Variants in TENM3 observed in about 807,000 individuals in gnomAD.
The protein encoded by TENM3 is teneurin transmembrane protein 3.
Under a neutral mutation model 255.1 loss-of-function variants are expected in TENM3, and 63 were observed. The observed-to-expected ratio is 0.25, with a 90% CI of 0.20 to 0.30. The LOEUF is 0.30. Among genes scored for constraint, TENM3 ranks in the 10% least tolerant of loss-of-function variants. The probability of loss-of-function intolerance (pLI) is 1.00; values close to 1 mark genes in which losing one functional copy is unlikely to be tolerated. For missense variants in TENM3, 2,929 were observed against 3,461.1 expected (o/e 0.85, Z 3.86); for synonymous variants, 1,306 against 1,322.3 (o/e 0.99, Z 0.27).
chr4:181,908,754 G>C, the TENM3 span, among the ~76,000 whole-genome samples: 1 of 152,086 alleles, frequency 6.6e-6, no homozygotes, highest in Non-Finnish European at 1.5e-5. Flanking sequence ...TTTTCGTTTG[G>C]AGTAAAAGAT....
chr4:182,003,065 G>A, the TENM3 span, among the ~76,000 whole-genome samples: 1 of 152,018 alleles, frequency 6.6e-6, no homozygotes, highest in Admixed American at 6.6e-5. Context: ...CTAGTGACTT[G>A]AATAATGGGT....
At chr4:182,565,902 AATT>A (rs1177987126) in intron 3 of TENM3, among the ~76,000 whole-genome samples, 1 of 152,218 alleles carries the variant, frequency 6.6e-6, no homozygotes, top group African/African-American at 2.4e-5. Context: ...AGGGCCCCTT[AATT>A]ATTGCATATT....
chr4:181,620,404 C>T, the TENM3 span, among the ~76,000 whole-genome samples: 10 of 152,244 alleles, frequency 6.6e-5, no homozygotes, highest in South Asian at 4.1e-4. Flanking sequence ...GGAACTGGCA[C>T]GCACAAAAGG....
the TENM3 span, among the ~76,000 whole-genome samples, chr4:181,606,195 C>T: frequency 8.5e-5 from 13 of 152,168 alleles, no homozygotes; most frequent in Non-Finnish European, 1.8e-4. Context: ...CCTAAGCAGA[C>T]ATCGTGTTTC....
At chr4:181,674,773 A>G in the TENM3 span, among the ~76,000 whole-genome samples, 2 of 152,180 alleles carry the variant, frequency 1.3e-5, no homozygotes, top group East Asian at 3.9e-4. Context: ...CACATTCAGC[A>G]TAGCACTGTG....
chr4:182,006,000 T>C, the TENM3 span, among the ~76,000 whole-genome samples: 1 of 152,198 alleles, frequency 6.6e-6, no homozygotes, highest in Non-Finnish European at 1.5e-5. Context: ...CATAAAATCA[T>C]GTAGCCTGCC....
intron 1 of TENM3, among the ~76,000 whole-genome samples, chr4:182,234,888 C>T (rs149594016): frequency 2.6e-5 from 4 of 152,088 alleles, no homozygotes; most frequent in Admixed American, 1.3e-4. Context: ...AGCTAACTTG[C>T]GGGAAGATGG....
chr4:182,572,929 TAAAG>T (rs1211751056), intron 3 of TENM3, among the ~76,000 whole-genome samples: 1 of 152,058 alleles, frequency 6.6e-6, no homozygotes, highest in Admixed American at 6.6e-5. Flanking sequence ...GGAGAGGAAA[TAAAG>T]AGAGCTTCAT....
At chr4:181,601,693 T>C in the TENM3 span, among the ~76,000 whole-genome samples, 1 of 152,196 alleles carries the variant, frequency 6.6e-6, no homozygotes, top group African/African-American at 2.4e-5. Flanking sequence ...ATAAAAATGT[T>C]ATTATAGGGG....
intron 5 of TENM3, among the ~76,000 whole-genome samples, chr4:182,643,412 A>G (rs935775487): frequency 1.3e-5 from 2 of 152,344 alleles, no homozygotes; most frequent in Non-Finnish European, 2.9e-5. Flanking sequence ...CATCTTATTG[A>G]TGCCAGATAT....
intron 26 of TENM3, among the ~76,000 whole-genome samples, chr4:182,794,929 G>A (rs772226854): frequency 2.0e-5 from 3 of 151,752 alleles, no homozygotes. Flanking sequence ...TTTCCAGGAG[G>A]AAGGTTCTTT....
the TENM3 span, among the ~76,000 whole-genome samples, chr4:181,967,108 C>T: frequency 6.6e-6 from 1 of 152,166 alleles, no homozygotes; most frequent in South Asian, 2.1e-4. Context: ...CTTCCACTCC[C>T]TGCTTGTCTA....
the TENM3 span, among the ~76,000 whole-genome samples, chr4:181,722,170 AT>A: frequency 2.6e-5 from 4 of 152,326 alleles, no homozygotes; most frequent in East Asian, 7.7e-4. Flanking sequence ...CATAGAAAGA[AT>A]GGAAGGGTAG....
At chr4:182,043,787 A>G in the TENM3 span, among the ~76,000 whole-genome samples, 1 of 152,324 alleles carries the variant, frequency 6.6e-6, no homozygotes, top group African/African-American at 2.4e-5. Flanking sequence ...TATTCAGTGC[A>G]AAAGCAATCC....
intron 1 of TENM3, among the ~76,000 whole-genome samples, chr4:182,227,426 C>T (rs1756236850): frequency 1.3e-5 from 2 of 151,480 alleles, no homozygotes; most frequent in African/African-American, 2.4e-5. Context: ...TCTTATTGGC[C>T]AGTGTCCACT....
At chr4:182,178,036 A>G (rs1433093126) in intron 1 of TENM3, among the ~76,000 whole-genome samples, 1 of 142,548 alleles carries the variant, frequency 7.0e-6, no homozygotes, top group African/African-American at 2.7e-5. Flanking sequence ...TGCAGGATGT[A>G]TGCATCTTCC....
chr4:182,642,424 G>A (rs1371778645), intron 5 of TENM3, among the ~76,000 whole-genome samples: 2 of 152,238 alleles, frequency 1.3e-5, no homozygotes, highest in Non-Finnish European at 2.9e-5. Context: ...CTGCATCCAC[G>A]TAGTTCAGAA....
At chr4:182,490,649 G>A (rs1287083330) in intron 3 of TENM3, among the ~76,000 whole-genome samples, 2 of 152,180 alleles carry the variant, frequency 1.3e-5, no homozygotes, top group Non-Finnish European at 2.9e-5. Context: ...CGTTATCTAT[G>A]TTAGTTGTGC....
chr4:182,745,817 G>GAA (rs10655790), intron 19 of TENM3, among the ~76,000 whole-genome samples: 2,855 of 149,560 alleles, frequency 0.019, 70 homozygotes, highest in African/African-American at 0.05. Flanking sequence ...TCTCCCTCTG[G>GAA]AAAAAAAAAA....
Sources: gnomAD v4.1 joint callset for allele counts (sites outside exome capture counted in the v4.1 genomes callset) on GRCh38, gnomAD v4.1.1 for gene constraint, MANE v1.5 for transcripts, NCBI Gene and HGNC (gene_info 2026-07-23, HGNC 2026-07-21) for gene names.